The following DLGAP1 variants were observed in gnomAD, a reference collection of about 807,000 sequenced individuals.
The protein encoded by DLGAP1 is disks large-associated protein 1.
A neutral mutation model predicts 90.8 loss-of-function variants in DLGAP1; 11 were observed. The ratio of observed to expected loss-of-function variants is 0.12; its 90% CI spans 0.08 to 0.20. The LOEUF (loss-of-function observed/expected upper bound fraction) is 0.20, where lower values mean the gene tolerates loss of function less well. Ranked by LOEUF, DLGAP1 falls within the 10% of genes least tolerant of loss-of-function variation. The pLI, the probability that DLGAP1 is intolerant of heterozygous loss-of-function variation, is 1.00. For synonymous variants in DLGAP1, 558 were observed against 540.7 expected, an observed-to-expected ratio of 1.03 and a Z score of -0.44; for missense variants, 1,050 against 1,333.8, an observed-to-expected ratio of 0.79 and a Z score of 3.31.
At position 4,454,722 on chromosome 18, in the gene DLGAP1, C is replaced by T. The variant is rs1018191080; in HGVS notation, c.-267+284G>A. ...CCCTGTCGCAATTAGAAATCCTTCCCCTGCCTGGGTCCCCGTGGGGAGCCG... is the reference window on the plus strand; with the variant it reads ...CCCTGTCGCAATTAGAAATCCTTCCTCTGCCTGGGTCCCCGTGGGGAGCCG... On this transcript the variant is annotated intron_variant, in intron 1 of 12. Coordinates refer to ENST00000315677, the MANE Select transcript of DLGAP1 (RefSeq NM_004746.4). This position sits in a 1 kb window ranked among gnomAD's most constrained non-coding sequence, Gnocchi z 4.7. 6.6e-6 allele frequency among the ~76,000 whole-genome samples: 1 copy of T among 152,014 alleles called. No individual in the cohort carries two copies. The highest frequency in any genetic ancestry group is 2.0e-4 in the East Asian group (1 of 5,124).
At chr18:4,093,771 G>T (rs944170875) in intron 2 of DLGAP1, among the ~76,000 whole-genome samples, 4 of 151,980 alleles carry the variant, frequency 2.6e-5, no homozygotes, top group African/African-American at 9.7e-5. Flanking sequence ...TATAAAATTT[G>T]ATGGCTTTTT....
intron 1 of DLGAP1, chr18:4,295,546 T>A (rs531696515): frequency 6.6e-6 from 1 of 152,198 alleles, no homozygotes. Context: ...GCAGTGTTCA[T>A]GGGTGGGAAC....
At chr18:4,109,198 G>T (rs184951951) in intron 2 of DLGAP1, among the ~76,000 whole-genome samples, 4 of 152,082 alleles carry the variant, frequency 2.6e-5, no homozygotes, top group Non-Finnish European at 5.9e-5. Context: ...AAGTGGTTGT[G>T]TGTGGACTAA....
chr18:4,309,728 C>T (rs2080351633), intron 1 of DLGAP1, among the ~76,000 whole-genome samples: 1 of 152,124 alleles, frequency 6.6e-6, no homozygotes. Context: ...CAAATTCTCA[C>T]TCCAGAAGTT....
At position 3,658,346 on chromosome 18, in the gene DLGAP1, C is replaced by G. The variant is rs116692057; in HGVS notation, c.1591+70789G>C. 7.3e-3 allele frequency among the ~76,000 whole-genome samples: 1,116 copies of G among 152,286 alleles called. 15 individuals carry two copies. The highest frequency in any genetic ancestry group is 0.025 in the African/African-American group (1,030 of 41,536). On this transcript the variant is annotated intron_variant, in intron 7 of 12. Transcript: ENST00000315677. ...GCTTCCAAAATGTCTGAAACTGTAACGTCTGGCTCTTGCAAGCTGGTATGA... is the reference window on the plus strand; with the variant it reads ...GCTTCCAAAATGTCTGAAACTGTAAGGTCTGGCTCTTGCAAGCTGGTATGA...
intron 4 of DLGAP1, among the ~76,000 whole-genome samples, chr18:3,816,932 G>A (rs2067136588): frequency 6.6e-6 from 1 of 152,180 alleles, no homozygotes; most frequent in Non-Finnish European, 1.5e-5. Context: ...ACAATGTAAT[G>A]TTTTTACTTT....
intron 7 of DLGAP1, among the ~76,000 whole-genome samples, chr18:3,583,140 A>T (rs1442044035): frequency 7.1e-5 from 9 of 126,002 alleles, no homozygotes; most frequent in African/African-American, 2.4e-4. Context: ...TGCCTGACTG[A>T]CCGACCTACC....
chr18:3,950,573 C>T (rs1446822179), intron 3 of DLGAP1, among the ~76,000 whole-genome samples: 2 of 152,218 alleles, frequency 1.3e-5, no homozygotes, highest in Non-Finnish European at 2.9e-5. Context: ...ATGCTAAATA[C>T]TCAGTGCAAA....
At chr18:3,644,667 C>T (rs1052636402) in intron 7 of DLGAP1, among the ~76,000 whole-genome samples, 5 of 152,308 alleles carry the variant, frequency 3.3e-5, no homozygotes, top group African/African-American at 9.6e-5. Context: ...CCCGCCTCGG[C>T]CTCCCAAAGT....
intron 1 of DLGAP1, among the ~76,000 whole-genome samples, chr18:4,432,484 AT>A (rs2083304975): frequency 2.4e-5 from 1 of 42,356 alleles, no homozygotes; most frequent in South Asian, 8.4e-4. Flanking sequence ...ATTGAAATAA[AT>A]TTTTTTAAAA....
chr18:3,648,307 A>T (rs2059188867), intron 7 of DLGAP1, among the ~76,000 whole-genome samples: 4 of 152,268 alleles, frequency 2.6e-5, no homozygotes, highest in Admixed American at 2.6e-4. Flanking sequence ...TTAAAGCATC[A>T]ATGGATTCAA....
intron 7 of DLGAP1, among the ~76,000 whole-genome samples, chr18:3,687,408 C>T (rs1429275669): frequency 6.6e-6 from 1 of 152,066 alleles, no homozygotes; most frequent in African/African-American, 2.4e-5. Context: ...AACGATAATA[C>T]CAATAATGTA....
At chr18:4,287,236 A>C (rs897976645) in intron 1 of DLGAP1, among the ~76,000 whole-genome samples, 3 of 152,206 alleles carry the variant, frequency 2.0e-5, no homozygotes, top group African/African-American at 7.2e-5. Context: ...ACATCAGTTA[A>C]AAAGTCAGGA....
intron 7 of DLGAP1, among the ~76,000 whole-genome samples, chr18:3,641,735 T>G (rs1224795561): frequency 6.6e-6 from 1 of 152,044 alleles, no homozygotes; most frequent in Non-Finnish European, 1.5e-5. Context: ...CACCTCATCA[T>G]CTCACTTAGC....
intron 8 of DLGAP1, chr18:3,580,440 A>T (rs2055423543): frequency 6.2e-7 from 1 of 1,613,010 alleles, no homozygotes; most frequent in African/African-American, 1.3e-5. Flanking sequence ...GGTTTGTGCT[A>T]CACCTCTGCC....
At chr18:4,181,653 A>C (rs1246827891) in intron 1 of DLGAP1, among the ~76,000 whole-genome samples, 2 of 151,944 alleles carry the variant, frequency 1.3e-5, no homozygotes, top group East Asian at 3.9e-4. Flanking sequence ...ATCAACCTTT[A>C]ATTTCTTTCC....
At chr18:4,403,002 G>A (rs2082588717) in intron 1 of DLGAP1, among the ~76,000 whole-genome samples, 2 of 152,134 alleles carry the variant, frequency 1.3e-5, no homozygotes, top group South Asian at 4.2e-4. Context: ...GTAGAACTCT[G>A]ACCATGACTA....
At chr18:3,961,041 G>A (rs1324341943) in intron 3 of DLGAP1, among the ~76,000 whole-genome samples, 1 of 152,180 alleles carries the variant, frequency 6.6e-6, no homozygotes, top group East Asian at 1.9e-4. Context: ...CCTGCTTCTG[G>A]ACACTGTGGC....
intron 5 of DLGAP1, among the ~76,000 whole-genome samples, chr18:3,748,198 A>G (rs1401525610): frequency 6.6e-6 from 1 of 152,208 alleles, no homozygotes; most frequent in East Asian, 1.9e-4. Context: ...GGTCCCATTC[A>G]TTATCATGAC....
Sources: gnomAD v4.1 joint callset for allele counts (sites outside exome capture counted in the v4.1 genomes callset) on GRCh38, gnomAD v4.1.1 for gene constraint, Gnocchi (gnomAD v3.1) non-coding constraint, MANE v1.5 for transcripts, NCBI Gene and HGNC (gene_info 2026-07-23, HGNC 2026-07-21) for gene names.